DOCK2: variants seen among roughly 807,000 people sequenced by gnomAD.
DOCK2 encodes dedicator of cytokinesis protein 2.
Under a neutral mutation model 248.9 loss-of-function variants are expected in DOCK2, and 87 were observed. That is an observed-to-expected ratio of 0.35 (90% CI 0.29 to 0.42). The LOEUF (loss-of-function observed/expected upper bound fraction) is 0.42, where lower values mean the gene tolerates loss of function less well. DOCK2 is among the 10% of genes least tolerant of loss of function. The pLI, the probability that DOCK2 is intolerant of heterozygous loss-of-function variation, is 1.00. For missense variants in DOCK2, 1,747 were observed against 2,300.2 expected (o/e 0.76, Z 4.92); for synonymous variants, 805 against 821.6 (o/e 0.98, Z 0.35).
intron 22 of DOCK2, among the ~76,000 whole-genome samples, chr5:169,743,942 T>C (rs534705248): frequency 4.7e-4 from 70 of 149,838 alleles, no homozygotes; most frequent in Non-Finnish European, 8.9e-4. Context: ...TATATATATA[T>C]ATGTACTTTT....
chr5:169,686,449 C>T (rs370796499), intron 8 of DOCK2, among the ~76,000 whole-genome samples: 18 of 152,122 alleles, frequency 1.2e-4, no homozygotes, highest in South Asian at 1.0e-3. Context: ...GTGCTGGAGA[C>T]GAGGGCCAGC....
At chr5:169,818,957 T>C (rs1353100124) in intron 26 of DOCK2, among the ~76,000 whole-genome samples, 1 of 152,188 alleles carries the variant, frequency 6.6e-6, no homozygotes, top group Non-Finnish European at 1.5e-5. Flanking sequence ...TGTCCAAATA[T>C]AAACTTTTTG....
chr5:169,841,565 C>G, intron 27 of DOCK2: 1 of 591,204 alleles, frequency 1.7e-6, no homozygotes, highest in Non-Finnish European at 2.1e-6. Context: ...GAATAAAATC[C>G]AAACATTGCC....
At chr5:170,079,959 G>A (rs980561826) in intron 49 of DOCK2, 18 of 524,824 alleles carry the variant, frequency 3.4e-5, no homozygotes, top group East Asian at 9.6e-5. Context: ...CGCCACCCCC[G>A]CCTGTAGTTG....
chr5:169,682,853 A>AT (rs1759744847), intron 7 of DOCK2, among the ~76,000 whole-genome samples: 1 of 152,084 alleles, frequency 6.6e-6, no homozygotes, highest in African/African-American at 2.4e-5. Context: ...GTCACTGTAG[A>AT]TTTGCCTTTT....
At chr5:169,904,546 T>G (rs779856774) in intron 27 of DOCK2, among the ~76,000 whole-genome samples, 1 of 151,948 alleles carries the variant, frequency 6.6e-6, no homozygotes, top group Non-Finnish European at 1.5e-5. Flanking sequence ...GGCAGAGAGC[T>G]CAGGCCTTTA....
chr5:170,044,994 G>A (rs985043651), intron 38 of DOCK2, among the ~76,000 whole-genome samples: 4 of 152,042 alleles, frequency 2.6e-5, no homozygotes, highest in African/African-American at 7.2e-5. Context: ...ATTGACTCTC[G>A]TCTAAGACAG....
chr5:169,955,025 A>G (rs1776806920), intron 27 of DOCK2, among the ~76,000 whole-genome samples: 1 of 152,236 alleles, frequency 6.6e-6, no homozygotes, highest in African/African-American at 2.4e-5. Flanking sequence ...GGATTGGAAG[A>G]GCAGTCACAG....
intron 26 of DOCK2, among the ~76,000 whole-genome samples, chr5:169,839,426 G>A (rs1361844435): frequency 1.3e-5 from 2 of 152,102 alleles, no homozygotes; most frequent in Non-Finnish European, 2.9e-5. Flanking sequence ...TGCACACCTG[G>A]CAAATACAGC....
intron 25 of DOCK2, among the ~76,000 whole-genome samples, chr5:169,794,755 C>G (rs1561702617): frequency 6.6e-6 from 1 of 152,128 alleles, no homozygotes; most frequent in Non-Finnish European, 1.5e-5. Context: ...AAACCCGTCT[C>G]TACTAAAAAT....
At chr5:169,732,094 G>A (rs565278151) in intron 22 of DOCK2, among the ~76,000 whole-genome samples, 4 of 152,274 alleles carry the variant, frequency 2.6e-5, no homozygotes, top group African/African-American at 9.6e-5. Flanking sequence ...ACTCCAGCCT[G>A]GGTGACAGAG....
chr5:169,660,219 C>T (rs573412187), intron 2 of DOCK2, among the ~76,000 whole-genome samples: 1 of 152,230 alleles, frequency 6.6e-6, no homozygotes, highest in South Asian at 2.1e-4. Flanking sequence ...GCAACAACTT[C>T]CTACCTCCAA....
At chr5:169,761,182 T>C (rs963991167) in intron 24 of DOCK2, 1 of 167,234 alleles carries the variant, frequency 6.0e-6, no homozygotes, top group African/African-American at 2.4e-5. Flanking sequence ...AACCTGAGCT[T>C]TCTAACTTAT....
intron 38 of DOCK2, among the ~76,000 whole-genome samples, chr5:170,045,340 A>G (rs1199941992): frequency 6.6e-6 from 1 of 152,164 alleles, no homozygotes; most frequent in Non-Finnish European, 1.5e-5. Flanking sequence ...CACCTCCCTG[A>G]GGAGGCTGAG....
At chr5:169,745,131 T>C (rs1369042059) in intron 22 of DOCK2, among the ~76,000 whole-genome samples, 1 of 152,126 alleles carries the variant, frequency 6.6e-6, no homozygotes, top group African/African-American at 2.4e-5. Context: ...GACAGTCCAT[T>C]AGGGATTGCT....
chr5:169,961,972 C>G, intron 27 of DOCK2, among the ~76,000 whole-genome samples: 1 of 13,596 alleles, frequency 7.4e-5, no homozygotes, highest in Non-Finnish European at 1.1e-4. Context: ...AAGTGAGACT[C>G]TGTCCCAAAA....
At chr5:169,970,038 T>A (rs1777443463) in intron 27 of DOCK2, among the ~76,000 whole-genome samples, 1 of 152,262 alleles carries the variant, frequency 6.6e-6, no homozygotes, top group African/African-American at 2.4e-5. Flanking sequence ...TTTGAGGATC[T>A]CTGGCTACAG....
At chr5:169,881,583 C>G (rs1772655981) in intron 27 of DOCK2, 1 of 659,102 alleles carries the variant, frequency 1.5e-6, no homozygotes, top group Admixed American at 2.3e-5. Context: ...AATAAGGAAA[C>G]AAGAATGTCA....
At chr5:170,007,251 T>G (rs986311736) in intron 30 of DOCK2, among the ~76,000 whole-genome samples, 1 of 152,188 alleles carries the variant, frequency 6.6e-6, no homozygotes, top group Admixed American at 6.5e-5. Flanking sequence ...CCTATCCTCT[T>G]GCTACATACA....
Sources: gnomAD v4.1 joint callset for allele counts (sites outside exome capture counted in the v4.1 genomes callset) on GRCh38, gnomAD v4.1.1 for gene constraint, MANE v1.5 for transcripts, NCBI Gene and HGNC (gene_info 2026-07-23, HGNC 2026-07-21) for gene names.